LYPD6: variants seen among roughly 807,000 people sequenced by gnomAD.
LYPD6 encodes the protein LY6/PLAUR domain containing 6.
A neutral mutation model predicts 22.7 loss-of-function variants in LYPD6; 15 were observed. That is an observed-to-expected ratio of 0.66 (90% CI 0.44 to 1.02). The LOEUF is 1.02. LYPD6 is among the 50% of genes least tolerant of loss of function. LYPD6 has a pLI of 0.00. For missense variants in LYPD6, 189 were observed against 208.4 expected (o/e 0.91, Z 0.57); for synonymous variants, 72 against 77.5 (o/e 0.93, Z 0.37).
chr2:149,363,397 TC>T (rs1490972268), intron 1 of LYPD6, among the ~76,000 whole-genome samples: 1 of 152,186 alleles, frequency 6.6e-6, no homozygotes, highest in Admixed American at 6.5e-5. Flanking sequence ...TTAATAATTT[TC>T]CCCCAATCAC....
intron 1 of LYPD6, among the ~76,000 whole-genome samples, chr2:149,404,300 T>C (rs1682638941): frequency 6.6e-6 from 1 of 152,232 alleles, no homozygotes; most frequent in African/African-American, 2.4e-5. Flanking sequence ...GGGGATGGCA[T>C]TGAATCTATA....
upstream of LYPD6, chr2:149,330,323 G>A (rs1210422538): frequency 2.6e-5 from 4 of 151,786 alleles, no homozygotes; most frequent in African/African-American, 7.3e-5. Context: ...CGGCGCCCGG[G>A]TGCCCCACCT....
At chr2:149,470,486 G>C (rs538078416) in intron 4 of LYPD6, among the ~76,000 whole-genome samples, 197 bp from the exon 5 acceptor site, 127 of 152,206 alleles carry the variant, frequency 8.3e-4, no homozygotes, top group African/African-American at 3.0e-3. Flanking sequence ...TTTGGCCTGG[G>C]GAGTTTTCAT....
chr2:149,450,455 C>G (rs1269733351), intron 3 of LYPD6, among the ~76,000 whole-genome samples: 1 of 152,130 alleles, frequency 6.6e-6, no homozygotes, highest in Non-Finnish European at 1.5e-5. Flanking sequence ...ACAGGGAGCT[C>G]CTCTACATAA....
At chr2:149,480,415 G>T in the LYPD6 span, among the ~76,000 whole-genome samples, 4 of 152,124 alleles carry the variant, frequency 2.6e-5, no homozygotes, top group East Asian at 7.7e-4. Flanking sequence ...CATTGACCTG[G>T]TAACCCCCTT....
Position 149,472,153 on chromosome 2 carries a change from A to C in LYPD6, c.*1303A>C, listed in dbSNP as rs1292931015. The C allele has an allele frequency of 6.6e-6, 1 of 152,238 alleles. No homozygotes were observed. Among genetic ancestry groups the C allele is most frequent in the Non-Finnish European group, 1.5e-5 (1 of 68,048 alleles). The allele number at this position is 152,238 out of a possible 1,614,324, so 9.4% of individuals were successfully genotyped here. A position where few individuals can be genotyped will look rare whatever the true frequency, so the allele number is the denominator to read the frequency against. On this transcript the variant is annotated 3_prime_UTR_variant, in exon 5 of 5. Transcript: ENST00000334166. ...ACTAGAAACTAAAATATATTCTAAA[A>C]AATTCATTATTCTGAACAAAGTGAT...
At chr2:149,467,922 A>G (rs919467919) in intron 3 of LYPD6, among the ~76,000 whole-genome samples, 18 of 152,192 alleles carry the variant, frequency 1.2e-4, no homozygotes, top group East Asian at 5.8e-4. Flanking sequence ...TTCATTAGAC[A>G]TAGAGGGACC....
At chr2:149,454,188 G>A (rs967838649) in intron 3 of LYPD6, among the ~76,000 whole-genome samples, 4 of 152,078 alleles carry the variant, frequency 2.6e-5, no homozygotes, top group East Asian at 1.9e-4. Flanking sequence ...TATACATACC[G>A]CAAAGTGAAG....
intron 3 of LYPD6, among the ~76,000 whole-genome samples, chr2:149,464,981 A>G (rs1681169317): frequency 6.6e-6 from 1 of 152,168 alleles, no homozygotes; most frequent in Non-Finnish European, 1.5e-5. Context: ...GAGACACATT[A>G]GGTGTGAGGT....
chr2:149,480,572 G>T, the LYPD6 span, among the ~76,000 whole-genome samples: 4 of 152,018 alleles, frequency 2.6e-5, no homozygotes, highest in South Asian at 2.1e-4. Flanking sequence ...TCCTGTGTGT[G>T]GGGGGGTGTT....
chr2:149,362,017 C>T (rs1681580012), intron 1 of LYPD6, among the ~76,000 whole-genome samples: 1 of 152,112 alleles, frequency 6.6e-6, no homozygotes, highest in South Asian at 2.1e-4. Flanking sequence ...TGCATGTAGC[C>T]TCTGGAAAAG....
chr2:149,461,855 A>G (rs1186264995), intron 3 of LYPD6, among the ~76,000 whole-genome samples: 1 of 152,026 alleles, frequency 6.6e-6, no homozygotes, highest in Non-Finnish European at 1.5e-5. Context: ...AACACCATTT[A>G]TGATTAAAAC....
chr2:149,389,509 C>T (rs1004478535), intron 1 of LYPD6, among the ~76,000 whole-genome samples: 39 of 152,204 alleles, frequency 2.6e-4, no homozygotes, highest in Non-Finnish European at 5.9e-5. Flanking sequence ...GCCAAAATGA[C>T]CCCATGCATT....
downstream of LYPD6, among the ~76,000 whole-genome samples, chr2:149,476,333 A>C (rs1308060650): frequency 6.6e-6 from 1 of 152,208 alleles, no homozygotes; most frequent in East Asian, 1.9e-4. Context: ...TATGAGAAGA[A>C]AAATATTCTG....
chr2:149,459,385 AAT>A (rs1681036527), intron 3 of LYPD6, among the ~76,000 whole-genome samples: 1 of 152,194 alleles, frequency 6.6e-6, no homozygotes, highest in South Asian at 2.1e-4. Flanking sequence ...ACCTTAAAAG[AAT>A]GGCTGAAGGA....
At chr2:149,382,881 A>G (rs748092083) in intron 1 of LYPD6, among the ~76,000 whole-genome samples, 5 of 152,142 alleles carry the variant, frequency 3.3e-5, no homozygotes, top group Admixed American at 2.6e-4. Flanking sequence ...ATAGTACTTC[A>G]CATATGGTTT....
At chr2:149,387,138 C>T (rs1682206511) in intron 1 of LYPD6, among the ~76,000 whole-genome samples, 1 of 152,230 alleles carries the variant, frequency 6.6e-6, no homozygotes, top group Non-Finnish European at 1.5e-5. Context: ...GAAAGCCAGC[C>T]TCTTCCTTAG....
intron 1 of LYPD6, among the ~76,000 whole-genome samples, chr2:149,405,353 C>A (rs1412770940): frequency 4.6e-5 from 7 of 152,136 alleles, no homozygotes; most frequent in Non-Finnish European, 1.0e-4. Context: ...GGCTGTGAAT[C>A]CATCTGGTCC....
At chr2:149,343,341 A>C (rs1346101167) in intron 1 of LYPD6, among the ~76,000 whole-genome samples, 1 of 152,054 alleles carries the variant, frequency 6.6e-6, no homozygotes, top group African/African-American at 2.4e-5. Context: ...TTAAAAAAAA[A>C]CTTTTCGATC....
Sources: allele counts gnomAD v4.1 joint callset (sites outside exome capture counted in the v4.1 genomes callset), GRCh38; gene constraint gnomAD v4.1.1; transcripts MANE v1.5; gene names NCBI Gene and HGNC (gene_info 2026-07-23, HGNC 2026-07-21).